The following AGMO variants were observed in gnomAD, a reference collection of about 807,000 sequenced individuals.
AGMO encodes the protein alkylglycerol monooxygenase.
AGMO carries 75 observed loss-of-function variants against 60.2 expected under a neutral mutation model. The observed-to-expected ratio is 1.25, with a 90% CI of 1.03 to 1.51. The LOEUF (loss-of-function observed/expected upper bound fraction) is 1.51. Ranked by LOEUF, AGMO falls within the 40% of genes most tolerant of loss-of-function variation. The pLI, the probability that AGMO is intolerant of heterozygous loss-of-function variation, is 0.00. For synonymous variants in AGMO, 261 were observed against 177.1 expected (o/e 1.47, Z -3.76); for missense variants, 763 against 525.5 (o/e 1.45, Z -4.42).
At chr7:15,504,189 C>A (rs1783453437) in intron 3 of AGMO, among the ~76,000 whole-genome samples, 1 of 152,000 alleles carries the variant, frequency 6.6e-6, no homozygotes, top group Non-Finnish European at 1.5e-5. Flanking sequence ...AGCATACCAA[C>A]TGCAGAAATA....
chr7:15,423,433 A>C (rs569829819), intron 4 of AGMO, among the ~76,000 whole-genome samples: 1 of 148,612 alleles, frequency 6.7e-6, no homozygotes, highest in East Asian at 2.0e-4. Flanking sequence ...TTCTGGTCCC[A>C]TTTCTATGCA....
intron 4 of AGMO, among the ~76,000 whole-genome samples, chr7:15,428,333 C>T (rs548418488): frequency 1.3e-5 from 2 of 152,194 alleles, no homozygotes; most frequent in East Asian, 1.9e-4. Flanking sequence ...ATCTCATTTC[C>T]CACCATGCAA....
intron 12 of AGMO, among the ~76,000 whole-genome samples, chr7:15,216,665 G>A (rs2128495399): frequency 6.6e-6 from 1 of 152,144 alleles, no homozygotes; most frequent in Admixed American, 6.6e-5. Flanking sequence ...GAATTCAAGT[G>A]TATGTCAAAT....
At chr7:15,352,915 T>C (rs1782305927) in intron 12 of AGMO, among the ~76,000 whole-genome samples, 2 of 152,078 alleles carry the variant, frequency 1.3e-5, no homozygotes, top group South Asian at 4.1e-4. Context: ...CATAAGATTG[T>C]GTTTACTTTC....
At chr7:15,160,225 C>T in the AGMO span, among the ~76,000 whole-genome samples, 1 of 152,100 alleles carries the variant, frequency 6.6e-6, no homozygotes, top group Non-Finnish European at 1.5e-5. Context: ...CCTGACCTTC[C>T]GTCACTACTA....
chr7:15,404,735 A>G (rs867309481), intron 5 of AGMO, among the ~76,000 whole-genome samples: 1 of 151,880 alleles, frequency 6.6e-6, no homozygotes. Flanking sequence ...AGCTCACTGT[A>G]TTGTGACTGC....
rs182022061 is a variant in AGMO, at chr7:15,518,382, C to T, written c.409+26390G>A. On this transcript the variant is annotated intron_variant, in intron 3 of 12. Transcript: ENST00000342526. Reference sequence around the variant, plus strand: ...CCCCATGCCTCCTGACTGGGAGACACCTCCCAGCAGGGGTCAACAGGCACC... The same window carrying T: ...CCCCATGCCTCCTGACTGGGAGACATCTCCCAGCAGGGGTCAACAGGCACC... Among the ~76,000 whole-genome samples, 8 of 152,296 alleles carry T rather than the reference C, an allele frequency of 5.3e-5. No individual in the cohort carries two copies. In the East Asian group the frequency reaches 1.5e-3, roughly 29 times the overall value.
chr7:15,413,255 A>G (rs1780665586), intron 5 of AGMO, among the ~76,000 whole-genome samples: 1 of 152,190 alleles, frequency 6.6e-6, no homozygotes, highest in Admixed American at 6.5e-5. Context: ...AGATTAAATA[A>G]ACTTGAAGAC....
chr7:15,364,635 C>G (rs539961418), intron 12 of AGMO, among the ~76,000 whole-genome samples: 1 of 152,054 alleles, frequency 6.6e-6, no homozygotes, highest in South Asian at 2.1e-4. Context: ...AGCACCAATT[C>G]CTAGAAGTGA....
intron 12 of AGMO, among the ~76,000 whole-genome samples, chr7:15,228,538 A>T (rs1196715634): frequency 6.6e-6 from 1 of 152,162 alleles, no homozygotes; most frequent in Admixed American, 6.6e-5. Flanking sequence ...GAGAAAATAA[A>T]ATATGAAGGG....
At chr7:15,241,660 T>C (rs1782594000) in intron 12 of AGMO, among the ~76,000 whole-genome samples, 1 of 152,080 alleles carries the variant, frequency 6.6e-6, no homozygotes. Flanking sequence ...AATTTTCTTT[T>C]ATCTCTTGAC....
chr7:15,393,135 G>A (rs1397740275), intron 6 of AGMO, among the ~76,000 whole-genome samples: 1 of 152,176 alleles, frequency 6.6e-6, no homozygotes, highest in African/African-American at 2.4e-5. Flanking sequence ...CCCTGGAATT[G>A]GAGAATGACT....
downstream of AGMO, among the ~76,000 whole-genome samples, chr7:15,199,435 G>C (rs1019785370): frequency 1.3e-5 from 2 of 152,014 alleles, no homozygotes; most frequent in African/African-American, 4.8e-5. Flanking sequence ...TCATTTTTAG[G>C]CTAATCCTAT....
intron 12 of AGMO, among the ~76,000 whole-genome samples, chr7:15,307,911 G>GGA (rs1480740386): frequency 6.6e-6 from 1 of 152,012 alleles, no homozygotes; most frequent in African/African-American, 2.4e-5. Context: ...CAAGTGTGAT[G>GGA]GAGTTTTTAT....
chr7:15,548,353 C>G (rs530048421), intron 2 of AGMO, among the ~76,000 whole-genome samples: 1 of 151,486 alleles, frequency 6.6e-6, no homozygotes, highest in Non-Finnish European at 1.5e-5. Flanking sequence ...AGGCTTCAGA[C>G]GATCAAATTA....
intron 12 of AGMO, among the ~76,000 whole-genome samples, chr7:15,220,904 T>C (rs1163734182): frequency 6.6e-6 from 1 of 152,120 alleles, no homozygotes; most frequent in African/African-American, 2.4e-5. Context: ...CAAAGAGATA[T>C]GTAGGCTGAA....
intron 12 of AGMO, among the ~76,000 whole-genome samples, chr7:15,285,113 G>A (rs1784066141): frequency 6.6e-6 from 1 of 151,924 alleles, no homozygotes; most frequent in Admixed American, 6.6e-5. Flanking sequence ...TGGATCCACA[G>A]TCAATGTCAT....
chr7:15,440,422 C>A (rs1781521283), intron 3 of AGMO, among the ~76,000 whole-genome samples: 2 of 152,068 alleles, frequency 1.3e-5, no homozygotes, highest in Non-Finnish European at 2.9e-5. Context: ...GGTTCATTTT[C>A]TCAAGAAATT....
intron 3 of AGMO, among the ~76,000 whole-genome samples, chr7:15,535,495 T>C (rs1001198411): frequency 6.6e-6 from 1 of 151,934 alleles, no homozygotes; most frequent in Non-Finnish European, 1.5e-5. Flanking sequence ...ACTAATTACT[T>C]TGGCATTTGA....
Sources: allele counts gnomAD v4.1 joint callset (sites outside exome capture counted in the v4.1 genomes callset), GRCh38; gene constraint gnomAD v4.1.1; transcripts MANE v1.5; gene names NCBI Gene and HGNC (gene_info 2026-07-23, HGNC 2026-07-21).